ZNF254: variants seen among roughly 807,000 people sequenced by gnomAD.
ZNF254 encodes the protein zinc finger protein 254, also known as CTD-2017D11.1.
A neutral mutation model predicts 12.4 loss-of-function variants in ZNF254; 10 were observed. The observed-to-expected ratio is 0.80, with a 90% CI of 0.50 to 1.36. The LOEUF (loss-of-function observed/expected upper bound fraction) is 1.36. Among genes scored for constraint, ZNF254 ranks in the 40% most tolerant of loss-of-function variants. ZNF254 has a pLI of 0.00. For synonymous variants in ZNF254, 305 were observed against 253.4 expected (o/e 1.20, Z -1.93); for missense variants, 996 against 763.9 (o/e 1.30, Z -3.58).
chr19:24,051,898 T>C (rs1020229978), intron 2 of ZNF254, among the ~76,000 whole-genome samples: 1 of 152,126 alleles, frequency 6.6e-6, no homozygotes, highest in African/African-American at 2.4e-5. Flanking sequence ...CCCTAGGTCG[T>C]GTGATTCTTT....
Position 24,102,910 on chromosome 19 carries a change from A to T in ZNF254, c.31-3030A>T, listed in dbSNP as rs550891451. Among the ~76,000 whole-genome samples the T allele has an allele frequency of 2.6e-5, 4 of 152,322 alleles. No homozygotes were observed. The East Asian group carries it at 7.7e-4, about 29-fold the overall frequency. ...CATTTTAAAAAACTCAATGATAAAC[A>T]GAAGAGGAAATAAAAATGCTGGGTC... On this transcript the variant is annotated intron_variant, in intron 1 of 3. Transcript: ENST00000357002.
intron 2 of ZNF254, among the ~76,000 whole-genome samples, chr19:24,063,071 G>C (rs892752221): frequency 6.6e-6 from 1 of 152,158 alleles, no homozygotes; most frequent in African/African-American, 2.4e-5. Context: ...AAAGTGCTGG[G>C]ATTACAGGTG....
At chr19:24,076,867 A>G (rs1184796619) in intron 2 of ZNF254, among the ~76,000 whole-genome samples, 2 of 152,218 alleles carry the variant, frequency 1.3e-5, no homozygotes, top group African/African-American at 4.8e-5. Flanking sequence ...ATCCAATAGA[A>G]AAGTCAAGCT....
Position 24,092,661 on chromosome 19 carries a change from ATGAGCCAT to A in ZNF254, c.30+5327_30+5334del, listed in dbSNP as rs920021866. Among the ~76,000 whole-genome samples, 5 of 152,298 alleles carry A rather than the reference ATGAGCCAT, an allele frequency of 3.3e-5. No individual in the cohort carries two copies. The East Asian group carries it at 9.6e-4, about 29-fold the overall frequency. ...CTCTCAGAGTGCTGGGATTACAGGC[ATGAGCCAT>A]TGTGCCTGATCATACCATATTTTCT... On this transcript the variant is annotated intron_variant, in intron 1 of 3. Coordinates refer to ENST00000357002, the MANE Select transcript of ZNF254 (RefSeq NM_203282.4).
intron 2 of ZNF254, among the ~76,000 whole-genome samples, chr19:24,048,296 G>T (rs574091984): frequency 6.6e-5 from 10 of 152,202 alleles, no homozygotes; most frequent in Admixed American, 1.3e-4. Flanking sequence ...ACCTTGGGGG[G>T]AATAAGTTTC....
rs1972076879 is a variant in ZNF254, at chr19:24,087,230, C to T, written c.-78C>T. On this transcript the variant is annotated 5_prime_UTR_variant, in exon 1 of 4. Transcript: ENST00000357002. The stretch of plus-strand genomic sequence containing the variant: ...CGCCGGAGTCCCAGGTCTGTCTTCA[C>T]TGCTCTGTGTCCTCTGCTCCTAGAG... 5 of 1,599,766 alleles carry T rather than the reference C, an allele frequency of 3.1e-6. No homozygotes were observed. Among genetic ancestry groups the T allele is most frequent in the Non-Finnish European group, 3.4e-6 (4 of 1,168,430 alleles).
upstream of ZNF254, among the ~76,000 whole-genome samples, chr19:24,083,273 C>G (rs1971914623): frequency 6.6e-6 from 1 of 152,044 alleles, no homozygotes; most frequent in Admixed American, 6.6e-5. Context: ...CATGAAAGAT[C>G]TCTACAAGAA....
At chr19:24,081,940 T>C (rs56297400) in intron 2 of ZNF254, among the ~76,000 whole-genome samples, 12,953 of 151,958 alleles carry the variant, frequency 0.085, 740 homozygotes, top group Non-Finnish European at 0.13. Context: ...CTGGCTAACA[T>C]GGCGAAACCC....
chr19:24,050,550 C>T (rs1970607002), intron 2 of ZNF254, among the ~76,000 whole-genome samples: 1 of 152,244 alleles, frequency 6.6e-6, no homozygotes, highest in South Asian at 2.1e-4. Context: ...CCTCTCCTGC[C>T]TGGGCCTTGC....
chr19:24,037,202 C>A (rs1969998589), intron 1 of ZNF254, among the ~76,000 whole-genome samples: 1 of 152,216 alleles, frequency 6.6e-6, no homozygotes, highest in South Asian at 2.1e-4. Flanking sequence ...ACCTTTCCCT[C>A]TTCTGTCTTT....
chr19:24,116,191 G>A (rs901795304), intron 3 of ZNF254, among the ~76,000 whole-genome samples: 17 of 151,134 alleles, frequency 1.1e-4, no homozygotes, highest in African/African-American at 4.1e-4. Context: ...TGCTCTTCTC[G>A]AGAAGTATCT....
rs973323209 is a variant in ZNF254, at chr19:24,127,776, T to A, written c.1776T>A (p.His592Gln). ...ACCGGTCTTCAACTTTTACTAAACA[T>A]AAGGTAATTCATACTGGAGTAAAAC... ...SFNRSSTFTK[H>Q]KVIHTGVKPY... is the part of the protein sequence containing the mutation. The change falls in exon 4 of 4, where the codon CAT becomes CAA. Residue 592 changes from histidine to glutamine, a missense_variant. His to Gln is a conservative substitution (Grantham distance 24). Coordinates refer to ENST00000357002, the MANE Select transcript of ZNF254 (RefSeq NM_203282.4). 6.2e-7 allele frequency: 1 copy of A among 1,612,328 alleles called. No homozygotes were observed. The highest frequency in any genetic ancestry group is 1.7e-5 in the Admixed American group (1 of 59,778).
In ZNF254 at chr19:24,126,982, G is replaced by C. The variant is rs1974902567; in HGVS notation, c.982G>C (p.Gly328Arg). ...GAAACCCTACAAGTGTGAAGAATGT[G>C]GCAAAGCATTTATATGGTCCTCAAC... ...RKKPYKCEEC[G>R]KAFIWSSTLT... Residue 328 changes from glycine to arginine, a missense_variant, in exon 4 of 4, where the codon GGC becomes CGC. Coordinates refer to ENST00000357002, the MANE Select transcript of ZNF254 (RefSeq NM_203282.4). 1 of 1,613,456 alleles carries C rather than the reference G, an allele frequency of 6.2e-7. No homozygotes were observed. Among genetic ancestry groups the C allele is most frequent in the African/African-American group, 1.3e-5 (1 of 74,868 alleles).
intron 2 of ZNF254, among the ~76,000 whole-genome samples, chr19:24,059,710 T>C (rs1970998791): frequency 6.6e-6 from 1 of 152,188 alleles, no homozygotes; most frequent in Non-Finnish European, 1.5e-5. Context: ...ATGATGTTTC[T>C]TTTCTTTCAT....
intron 3 of ZNF254, chr19:24,107,082 T>A (rs1454459453): frequency 6.6e-6 from 3 of 456,234 alleles, no homozygotes; most frequent in Non-Finnish European, 1.1e-5. Context: ...TTCTGCACAT[T>A]TCATCCTGTT....
At chr19:24,109,099 G>A (rs999344135) in intron 3 of ZNF254, among the ~76,000 whole-genome samples, 1 of 152,222 alleles carries the variant, frequency 6.6e-6, no homozygotes, top group African/African-American at 2.4e-5. Context: ...GGGTTGCAGT[G>A]AGCCAAAATC....
rs1970752516 is a variant in ZNF254, at chr19:24,054,139, G to A, written c.-94+7860G>A. ...AGGGAGCATTGTGACATAGTGCTTA[G>A]CTCAGCACCCAGGTGATGTGACTCT... On this transcript the variant is annotated intron_variant, in intron 2 of 4. Transcript: ENST00000613065. Among the ~76,000 whole-genome samples the A allele has an allele frequency of 2.0e-5, 3 of 152,178 alleles. No individual in the cohort carries two copies. The South Asian group carries it at 6.2e-4, about 31-fold the overall frequency.
intron 1 of ZNF254, among the ~76,000 whole-genome samples, chr19:24,044,548 ATAAAT>A (rs922480761): frequency 7.0e-5 from 10 of 142,400 alleles, no homozygotes; most frequent in African/African-American, 2.6e-4. Context: ...AAAAAAAAAA[ATAAAT>A]AAATAAATAC....
rs978725566 is a variant in ZNF254, at chr19:24,128,090, TA to T, written c.*114del. On this transcript the variant is annotated 3_prime_UTR_variant, in exon 4 of 4. Transcript: ENST00000357002. Reference sequence around the variant, plus strand: ...AGGCGCTAATGCTTTTGACAGTACCTAAAACTTTAAAGAAAATCATTCTGCT... The same window carrying T: ...AGGCGCTAATGCTTTTGACAGTACCTAAACTTTAAAGAAAATCATTCTGCT... The T allele has an allele frequency of 1.7e-4, 187 of 1,101,544 alleles. No homozygotes were observed. In the African/African-American group the frequency reaches 2.9e-3, roughly 17 times the overall value. 68.2% of individuals were successfully genotyped at this position (1,101,544 alleles called of 1,614,324 possible).
Sources: gnomAD v4.1 joint callset for allele counts (sites outside exome capture counted in the v4.1 genomes callset) on GRCh38, gnomAD v4.1.1 for gene constraint, MANE v1.5 for transcripts, NCBI Gene and HGNC (gene_info 2026-07-23, HGNC 2026-07-21) for gene names.